The following TRIM9 variants were observed in gnomAD, a reference collection of about 807,000 sequenced individuals.
The protein encoded by TRIM9 is tripartite motif containing 9.
TRIM9 carries 26 observed loss-of-function variants against 78.3 expected under a neutral mutation model. The observed-to-expected ratio is 0.33, with a 90% CI of 0.24 to 0.46. The LOEUF is 0.46. Ranked by LOEUF, TRIM9 falls within the 20% of genes least tolerant of loss-of-function variation. The pLI is 1.00. For missense variants in TRIM9, 787 were observed against 1,036.4 expected (o/e 0.76, Z 3.30); for synonymous variants, 398 against 416.5 (o/e 0.96, Z 0.54).
intron 1 of TRIM9, among the ~76,000 whole-genome samples, chr14:51,047,054 G>C (rs2060002350): frequency 6.6e-6 from 1 of 152,150 alleles, no homozygotes; most frequent in Non-Finnish European, 1.5e-5. Context: ...GGGATACATG[G>C]AGTGTCATTT....
At chr14:51,087,191 T>C (rs1245488575) in intron 1 of TRIM9, among the ~76,000 whole-genome samples, 1 of 151,564 alleles carries the variant, frequency 6.6e-6, no homozygotes, top group East Asian at 1.9e-4. Context: ...TCTAAGAAAC[T>C]GGGGGAGGGC....
At chr14:51,080,737 C>A (rs970050207) in intron 1 of TRIM9, among the ~76,000 whole-genome samples, 3 of 152,046 alleles carry the variant, frequency 2.0e-5, no homozygotes, top group Admixed American at 2.0e-4. Flanking sequence ...CCATGGTAAC[C>A]CTTAGGAGCC....
At chr14:51,049,542 T>C (rs1358054104) in intron 1 of TRIM9, among the ~76,000 whole-genome samples, 1 of 151,990 alleles carries the variant, frequency 6.6e-6, no homozygotes, top group Admixed American at 6.6e-5. Context: ...TAATATATAA[T>C]ATAGGCCGGG....
intron 3 of TRIM9, among the ~76,000 whole-genome samples, chr14:51,014,592 C>T (rs181023060): frequency 8.6e-4 from 131 of 152,252 alleles, no homozygotes; most frequent in African/African-American, 2.8e-3. Context: ...GCAAGATTTC[C>T]CACATTATAG....
intron 1 of TRIM9, among the ~76,000 whole-genome samples, chr14:51,091,620 T>G (rs1304364394): frequency 6.6e-6 from 1 of 152,214 alleles, no homozygotes; most frequent in Admixed American, 6.5e-5. Flanking sequence ...TAATGTTTGT[T>G]GTTCATCTAA....
chr14:51,011,654 CCTT>C (rs2139649933), intron 3 of TRIM9, among the ~76,000 whole-genome samples: 1 of 152,154 alleles, frequency 6.6e-6, no homozygotes, highest in South Asian at 2.1e-4. Context: ...GTTCCTTGTT[CCTT>C]CTTTTCATTT....
intron 1 of TRIM9, among the ~76,000 whole-genome samples, chr14:51,072,992 A>ATT (rs34673300): frequency 5.3e-5 from 8 of 150,324 alleles, no homozygotes; most frequent in South Asian, 2.1e-4. Flanking sequence ...TGTTTTATTT[A>ATT]TTTTTTTTTT....
intron 1 of TRIM9, among the ~76,000 whole-genome samples, chr14:51,049,023 C>A (rs1448866203): frequency 2.0e-5 from 3 of 150,658 alleles, no homozygotes; most frequent in Non-Finnish European, 4.4e-5. Context: ...TTGGCCTTAT[C>A]ATTTACATGA....
intron 1 of TRIM9, among the ~76,000 whole-genome samples, chr14:51,082,950 T>G (rs1032544605): frequency 6.6e-6 from 1 of 152,194 alleles, no homozygotes; most frequent in African/African-American, 2.4e-5. Context: ...TTGGCACTTG[T>G]GAACTGTGAC....
intron 1 of TRIM9, 98 bp from the exon 2 acceptor site, chr14:51,025,458 T>G: frequency 9.7e-7 from 1 of 1,027,548 alleles, no homozygotes; most frequent in Non-Finnish European, 1.5e-6. Flanking sequence ...CCTCCTCAGA[T>G]TCCTCTTGTC....
rs1366986427 is a variant in TRIM9 at position 50,986,008 on chromosome 14, G to T, written c.1740C>A (p.Ser580=). ...FPGRSYFDFR[S]SPHQLSLHSS... The stretch of plus-strand genomic sequence containing the variant: ...AATGCAAGCTCAGCTGGTGGGGTGA[G>T]GATCGGAAATCAAAGTAGGATCTCC... The change falls in exon 8 of 13, where the codon TCC becomes TCA. Residue 580 remains serine, a synonymous_variant. Transcript: ENST00000684578. 4 of 1,549,082 alleles carry T rather than the reference G, an allele frequency of 2.6e-6. No homozygotes were observed. The highest frequency in any genetic ancestry group is 1.7e-6 in the Non-Finnish European group (2 of 1,146,222).
chr14:50,990,729 T>G (rs1387104017), intron 7 of TRIM9, among the ~76,000 whole-genome samples: 1 of 152,192 alleles, frequency 6.6e-6, no homozygotes, highest in African/African-American at 2.4e-5. Flanking sequence ...TAAGCAGCCC[T>G]TGAACCCAGG....
chr14:51,014,173 A>C (rs74052520), intron 3 of TRIM9, among the ~76,000 whole-genome samples: 4,445 of 152,290 alleles, frequency 0.029, 222 homozygotes, highest in African/African-American at 0.1. Flanking sequence ...AAATAAATAC[A>C]TTACTCAGTC....
chr14:51,058,311 C>T (rs1669879604), intron 1 of TRIM9, among the ~76,000 whole-genome samples: 1 of 152,188 alleles, frequency 6.6e-6, no homozygotes, highest in Non-Finnish European at 1.5e-5. Flanking sequence ...TGATGTGAGG[C>T]TCACATCTAC....
At chr14:51,080,922 T>A (rs1420822932) in intron 1 of TRIM9, among the ~76,000 whole-genome samples, 2 of 152,248 alleles carry the variant, frequency 1.3e-5, no homozygotes, top group African/African-American at 4.8e-5. Flanking sequence ...AAAGCCAATC[T>A]AGATGGACTT....
Position 50,986,081 on chromosome 14 carries a change from C to G in TRIM9, c.1667G>C (p.Arg556Thr). ...PVPSERLPLRRMSPFSSTLNL... is the reference protein window; with the variant it reads ...PVPSERLPLRTMSPFSSTLNL... ...AAGGGTGGAGGAGAAAGGACTCATT[C>G]TACGGAGCGGCAATCTTTCCGAAGG... The change falls in exon 8 of 13, where the codon AGA becomes ACA. Residue 556 changes from arginine to threonine, a missense_variant. Physicochemically the swap from Arg to Thr is moderately conservative, Grantham distance 71. Coordinates refer to ENST00000684578, the MANE Select transcript of TRIM9 (RefSeq NM_001387360.1). 6.5e-7 allele frequency: 1 copy of G among 1,548,680 alleles called. No homozygotes were observed. Among genetic ancestry groups the G allele is most frequent in the Non-Finnish European group, 8.7e-7 (1 of 1,145,934 alleles).
intron 7 of TRIM9, among the ~76,000 whole-genome samples, chr14:50,988,789 G>A (rs75305516): frequency 0.028 from 4,333 of 152,132 alleles, 201 homozygotes; most frequent in African/African-American, 0.099. Flanking sequence ...CCTTCCCCAT[G>A]GGCATGTAGT....
chr14:51,049,563 C>T (rs553837506), intron 1 of TRIM9, among the ~76,000 whole-genome samples: 5 of 152,248 alleles, frequency 3.3e-5, no homozygotes, highest in Admixed American at 3.3e-4. Flanking sequence ...CGCAGTGGCT[C>T]ATGCCTGTAA....
intron 1 of TRIM9, among the ~76,000 whole-genome samples, chr14:51,081,586 C>G (rs139400051): frequency 5.9e-5 from 9 of 152,206 alleles, no homozygotes; most frequent in Admixed American, 5.9e-4. Context: ...TTAGACTCCA[C>G]AGCAGTAAAG....
Sources: gnomAD v4.1 joint callset for allele counts (sites outside exome capture counted in the v4.1 genomes callset) on GRCh38, gnomAD v4.1.1 for gene constraint, MANE v1.5 for transcripts, NCBI Gene and HGNC (gene_info 2026-07-23, HGNC 2026-07-21) for gene names.